The following AFG2A variants were observed in gnomAD, a reference collection of about 807,000 sequenced individuals.
AFG2A encodes the protein AAA ATPase AFG2A.
chr4:123,021,296 A>G, the AFG2A span, among the ~76,000 whole-genome samples: 1 of 142,942 alleles, frequency 7.0e-6, no homozygotes, highest in African/African-American at 2.6e-5. Flanking sequence ...CCTTTTTAAG[A>G]TTTTTATTCT....
the AFG2A span, among the ~76,000 whole-genome samples, chr4:123,277,303 T>G: frequency 8.5e-5 from 13 of 152,328 alleles, no homozygotes; most frequent in African/African-American, 2.2e-4. Flanking sequence ...TGTATATCAA[T>G]GCTACTGATT....
At chr4:122,991,032 T>G in the AFG2A span, among the ~76,000 whole-genome samples, 16 of 152,234 alleles carry the variant, frequency 1.1e-4, 1 homozygote, top group Admixed American at 9.8e-4. Flanking sequence ...ATATTTATCA[T>G]TATGAAGTGA....
At chr4:122,929,120 G>A in the AFG2A span, 1 of 1,613,616 alleles carries the variant, frequency 6.2e-7, no homozygotes, top group East Asian at 2.2e-5. Flanking sequence ...ATGTGGGTGT[G>A]AGGCCTGGTG....
the AFG2A span, among the ~76,000 whole-genome samples, chr4:123,245,321 G>A: frequency 6.6e-6 from 1 of 152,166 alleles, no homozygotes; most frequent in Admixed American, 6.6e-5. Flanking sequence ...CTTAAAATAT[G>A]TAAATATCTA....
At chr4:123,115,283 G>T in the AFG2A span, among the ~76,000 whole-genome samples, 120 of 152,044 alleles carry the variant, frequency 7.9e-4, no homozygotes, top group Non-Finnish European at 1.3e-3. Context: ...AAACCCAGTT[G>T]TCGGGAGCGC....
the AFG2A span, among the ~76,000 whole-genome samples, chr4:123,073,356 A>C: frequency 1.3e-5 from 2 of 152,226 alleles, no homozygotes; most frequent in East Asian, 3.9e-4. Context: ...GATGTTTTTA[A>C]AATAATTTTA....
At chr4:123,283,462 C>G in the AFG2A span, among the ~76,000 whole-genome samples, 3 of 151,922 alleles carry the variant, frequency 2.0e-5, no homozygotes, top group African/African-American at 7.3e-5. Context: ...TCTTGTTAAG[C>G]TAATGCAAAA....
At chr4:122,978,657 G>T in the AFG2A span, among the ~76,000 whole-genome samples, 1 of 152,176 alleles carries the variant, frequency 6.6e-6, no homozygotes, top group South Asian at 2.1e-4. Context: ...GTCGTCCATG[G>T]TGCTGGGGCT....
chr4:123,075,623 G>T, the AFG2A span, among the ~76,000 whole-genome samples: 29 of 152,060 alleles, frequency 1.9e-4, no homozygotes, highest in Non-Finnish European at 3.2e-4. Flanking sequence ...AAGGGATAGT[G>T]TGTCAGTGAG....
chr4:123,014,399 T>C, the AFG2A span, among the ~76,000 whole-genome samples: 1 of 152,124 alleles, frequency 6.6e-6, no homozygotes, highest in African/African-American at 2.4e-5. Context: ...TTTTATGAGT[T>C]TTTTTTCTTA....
the AFG2A span, among the ~76,000 whole-genome samples, chr4:123,173,340 GTTTTTTTTTTT>G: frequency 1.8e-4 from 13 of 70,302 alleles, no homozygotes; most frequent in South Asian, 4.8e-3. Context: ...AAGTCCAATG[GTTTTTTTTTTT>G]TTTTTTTTTT....
the AFG2A span, among the ~76,000 whole-genome samples, chr4:123,192,185 C>G: frequency 2.0e-5 from 3 of 152,076 alleles, no homozygotes; most frequent in Non-Finnish European, 4.4e-5. Flanking sequence ...CACCACCACA[C>G]CCAGCTAATT....
At chr4:123,108,317 G>GT in the AFG2A span, among the ~76,000 whole-genome samples, 249 of 151,922 alleles carry the variant, frequency 1.6e-3, 4 homozygotes, top group South Asian at 0.014. Context: ...ACAAAAATCA[G>GT]TTATGTGTGT....
the AFG2A span, chr4:123,256,665 G>C: frequency 1.3e-5 from 13 of 982,078 alleles, no homozygotes; most frequent in Middle Eastern, 5.2e-4. Flanking sequence ...ATTTTGGCAA[G>C]TTATCTCAGT....
chr4:123,075,335 T>C, the AFG2A span, among the ~76,000 whole-genome samples: 1 of 151,986 alleles, frequency 6.6e-6, no homozygotes, highest in Non-Finnish European at 1.5e-5. Flanking sequence ...ATATTGGTAA[T>C]GTTTCTGTTT....
the AFG2A span, among the ~76,000 whole-genome samples, chr4:123,202,863 CT>C: frequency 6.6e-6 from 1 of 152,084 alleles, no homozygotes; most frequent in Non-Finnish European, 1.5e-5. Context: ...TTTTGTCATT[CT>C]AAAAATGTCA....
chr4:122,953,448 T>C, the AFG2A span, among the ~76,000 whole-genome samples: 1 of 152,332 alleles, frequency 6.6e-6, no homozygotes, highest in East Asian at 1.9e-4. Context: ...GCACGCACAG[T>C]GTGTTTATTC....
the AFG2A span, among the ~76,000 whole-genome samples, chr4:122,930,822 T>G: frequency 6.6e-6 from 1 of 152,220 alleles, no homozygotes; most frequent in African/African-American, 2.4e-5. Flanking sequence ...GTCAGACCTC[T>G]TGAGCGCACA....
At chr4:123,102,544 TGA>T in the AFG2A span, among the ~76,000 whole-genome samples, 1 of 152,022 alleles carries the variant, frequency 6.6e-6, no homozygotes, top group African/African-American at 2.4e-5. Flanking sequence ...AAAATAATGT[TGA>T]GTTAGAATAG....
Sources: allele counts gnomAD v4.1 joint callset (sites outside exome capture counted in the v4.1 genomes callset), GRCh38; gene constraint gnomAD v4.1.1; transcripts MANE v1.5; gene names NCBI Gene and HGNC (gene_info 2026-07-23, HGNC 2026-07-21).